ADGRL2: variants seen among roughly 807,000 people sequenced by gnomAD.
ADGRL2 encodes the protein calcium-independent alpha-latrotoxin receptor 2.
In ADGRL2, 44 loss-of-function variants were observed where a neutral mutation model predicts 157.4. The ratio of observed to expected loss-of-function variants is 0.28; its 90% CI spans 0.22 to 0.36. The LOEUF (loss-of-function observed/expected upper bound fraction) is 0.36, where lower values mean the gene tolerates loss of function less well. Among genes scored for constraint, ADGRL2 ranks in the 10% least tolerant of loss-of-function variants. The probability of loss-of-function intolerance (pLI) is 1.00; values close to 1 mark genes in which losing one functional copy is unlikely to be tolerated. For missense variants in ADGRL2, 1,510 were observed against 1,768.9 expected (o/e 0.85, Z 2.63); for synonymous variants, 585 against 624.7 (o/e 0.94, Z 0.95).
At chr1:81,458,909 C>T (rs11163298) in intron 2 of ADGRL2, among the ~76,000 whole-genome samples, 11,611 of 152,164 alleles carry the variant, frequency 0.076, 497 homozygotes, top group African/African-American at 0.12. Flanking sequence ...GGATTCTTGT[C>T]CCGCCACCAG....
At chr1:81,356,652 G>A (rs1400669562) in intron 1 of ADGRL2, among the ~76,000 whole-genome samples, 2 of 152,114 alleles carry the variant, frequency 1.3e-5, no homozygotes. Context: ...CTTCAGGAGA[G>A]CATTAAGAAG....
intron 2 of ADGRL2, among the ~76,000 whole-genome samples, chr1:81,490,969 C>A: frequency 6.6e-6 from 1 of 152,268 alleles, no homozygotes; most frequent in East Asian, 1.9e-4. Context: ...CCAGATAACT[C>A]TTTGTTATGA....
intron 6 of ADGRL2, among the ~76,000 whole-genome samples, chr1:81,945,433 T>G (rs2148987069): frequency 6.6e-6 from 1 of 152,130 alleles, no homozygotes; most frequent in Admixed American, 6.6e-5. Flanking sequence ...AGAAAAAAAA[T>G]GTTTTACAAA....
At chr1:81,528,980 G>A (rs902491929) in intron 2 of ADGRL2, among the ~76,000 whole-genome samples, 3 of 152,198 alleles carry the variant, frequency 2.0e-5, no homozygotes, top group Non-Finnish European at 4.4e-5. Flanking sequence ...AAGATTTCCA[G>A]GCCAGTGCTA....
intron 3 of ADGRL2, among the ~76,000 whole-genome samples, chr1:81,928,167 G>A (rs571084243): frequency 6.6e-6 from 1 of 152,198 alleles, no homozygotes; most frequent in East Asian, 1.9e-4. Context: ...AGTGGCTAGA[G>A]TACTAAGTCA....
At chr1:81,314,568 A>G (rs944363736) in intron 1 of ADGRL2, among the ~76,000 whole-genome samples, 5 of 152,230 alleles carry the variant, frequency 3.3e-5, no homozygotes, top group Admixed American at 3.3e-4. Context: ...CAGGATATTC[A>G]TCCAATTCTC....
intron 2 of ADGRL2, among the ~76,000 whole-genome samples, chr1:81,469,842 T>C (rs773361868): frequency 2.0e-5 from 3 of 152,254 alleles, no homozygotes; most frequent in Non-Finnish European, 4.4e-5. Flanking sequence ...ACCTCGTCAG[T>C]GTGCTTCTTA....
chr1:81,916,857 T>A (rs1008421721), intron 3 of ADGRL2, among the ~76,000 whole-genome samples: 2 of 152,102 alleles, frequency 1.3e-5, no homozygotes, highest in African/African-American at 4.8e-5. Context: ...AGAAAACATC[T>A]TACTAAATTG....
At chr1:81,926,226 C>T (rs1426519875) in intron 3 of ADGRL2, among the ~76,000 whole-genome samples, 1 of 151,896 alleles carries the variant, frequency 6.6e-6, no homozygotes. Flanking sequence ...GTATGAAAAT[C>T]GAAATGCTTG....
chr1:81,552,950 G>A (rs745329902), intron 2 of ADGRL2, among the ~76,000 whole-genome samples: 2 of 152,148 alleles, frequency 1.3e-5, no homozygotes, highest in African/African-American at 2.4e-5. Flanking sequence ...AGACAACAAA[G>A]ACTTACATTT....
chr1:81,358,724 G>C (rs1231964052), intron 1 of ADGRL2, among the ~76,000 whole-genome samples: 1 of 152,234 alleles, frequency 6.6e-6, no homozygotes, highest in Non-Finnish European at 1.5e-5. Flanking sequence ...TGTGATTTAT[G>C]TTAAGTACCT....
At chr1:81,906,907 A>T in intron 2 of ADGRL2, 110 bp from the exon 3 acceptor site, 1 of 835,342 alleles carries the variant, frequency 1.2e-6, no homozygotes, top group African/African-American at 1.7e-5. Flanking sequence ...CCTGAATTTT[A>T]TGACATCTCT....
At chr1:81,400,558 C>A (rs557395710) in intron 1 of ADGRL2, among the ~76,000 whole-genome samples, 1 of 152,034 alleles carries the variant, frequency 6.6e-6, no homozygotes, top group Non-Finnish European at 1.5e-5. Flanking sequence ...GTTGAGGAAC[C>A]TGAGAACCTG....
chr1:81,936,779 T>C lies in ADGRL2; in HGVS notation c.339T>C (p.Pro113=). The stretch of plus-strand genomic sequence containing the variant: ...TAGTTACTGGGTCAGATGTGTTTCC[T>C]GATCCATGTCCTGGAACATACAAAT... The part of the protein sequence containing the change: ...CIVVTGSDVF[P]DPCPGTYKYL... The change falls in exon 4 of 24, where the codon CCT becomes CCC. Residue 113 remains proline, a synonymous_variant. Transcript: ENST00000686636. The C allele has an allele frequency of 6.2e-7, 1 of 1,612,476 alleles. No individual in the cohort carries two copies. The highest frequency in any genetic ancestry group is 8.5e-7 in the Non-Finnish European group (1 of 1,178,762).
Position 81,990,937 on chromosome 1 carries a change from A to G in ADGRL2, c.4202A>G (p.Glu1401Gly). Residue 1401 changes from glutamate (E) to glycine (G), a missense_variant, in exon 24 of 24, where the codon GAA becomes GGA. Glu to Gly is a moderately conservative substitution (Grantham distance 98, BLOSUM62 -2). Transcript: ENST00000686636. Reference protein sequence around the residue: ...SPYPESSPDMEEDLSPSRRSE... With the variant: ...SPYPESSPDMGEDLSPSRRSE... ...TATCCGGAGAGCAGCCCTGACATGGAAGAAGACCTCTCTCCCTCCAGGAGG... is the reference window on the plus strand; with the variant it reads ...TATCCGGAGAGCAGCCCTGACATGGGAGAAGACCTCTCTCCCTCCAGGAGG... 1.2e-6 allele frequency: 2 copies of G among 1,614,066 alleles called. No individual in the cohort carries two copies. The highest frequency in any genetic ancestry group is 1.7e-6 in the Non-Finnish European group (2 of 1,179,996).
intron 1 of ADGRL2, among the ~76,000 whole-genome samples, chr1:81,380,396 T>A (rs537990441): frequency 1.3e-5 from 2 of 152,358 alleles, no homozygotes; most frequent in South Asian, 4.1e-4. Flanking sequence ...TTATTCGCAT[T>A]TTTATGATTA....
intron 2 of ADGRL2, among the ~76,000 whole-genome samples, chr1:81,878,943 A>G (rs1350310697): frequency 1.3e-5 from 2 of 152,220 alleles, no homozygotes; most frequent in East Asian, 1.9e-4. Context: ...TAAAACGTGT[A>G]TACATTCTGA....
At chr1:81,454,697 T>C (rs1030500474) in intron 2 of ADGRL2, among the ~76,000 whole-genome samples, 1 of 152,198 alleles carries the variant, frequency 6.6e-6, no homozygotes, top group Non-Finnish European at 1.5e-5. Context: ...GACTACGAAC[T>C]TGAAAATGTC....
rs951930075 is a variant in ADGRL2, at chr1:81,510,598, T to C, written c.-248+65509T>C. Among the ~76,000 whole-genome samples, 5 of 152,272 alleles carry C rather than the reference T, an allele frequency of 3.3e-5. No individual in the cohort carries two copies. In the South Asian group the frequency reaches 6.2e-4, roughly 19 times the overall value. On this transcript the variant is annotated intron_variant, in intron 2 of 24. Coordinates refer to the ADGRL2 transcript ENST00000370721. Reference sequence around the variant, plus strand: ...GAGAAGATATGCATTGGCGATAATATTGATTTAAAAAAAAATCTGCTGAAA... The same window carrying C: ...GAGAAGATATGCATTGGCGATAATACTGATTTAAAAAAAAATCTGCTGAAA...
Sources: gnomAD v4.1 joint callset for allele counts (sites outside exome capture counted in the v4.1 genomes callset) on GRCh38, gnomAD v4.1.1 for gene constraint, MANE v1.5 for transcripts, NCBI Gene and HGNC (gene_info 2026-07-23, HGNC 2026-07-21) for gene names.